Variants in MAGI1 observed in about 807,000 individuals in gnomAD.
MAGI1 encodes membrane-associated guanylate kinase, WW and PDZ domain-containing protein 1.
In MAGI1, 58 loss-of-function variants were observed where a neutral mutation model predicts 139.9. The ratio of observed to expected loss-of-function variants is 0.41; its 90% CI spans 0.34 to 0.52. The LOEUF (loss-of-function observed/expected upper bound fraction) is 0.52. Among genes scored for constraint, MAGI1 ranks in the 20% least tolerant of loss-of-function variants. The probability of loss-of-function intolerance (pLI) is 0.12; values close to 1 mark genes in which losing one functional copy is unlikely to be tolerated. For missense variants in MAGI1, 1,874 were observed against 1,901.6 expected, an observed-to-expected ratio of 0.99 and a Z score of 0.27; for synonymous variants, 812 against 737.9, an observed-to-expected ratio of 1.10 and a Z score of -1.63.
chr3:65,883,534 T>C (rs2060416841), intron 1 of MAGI1, among the ~76,000 whole-genome samples: 1 of 152,210 alleles, frequency 6.6e-6, no homozygotes, highest in Non-Finnish European at 1.5e-5. Context: ...CAATTTGCTA[T>C]GAGATTCTAC....
At chr3:65,651,277 A>G (rs1385070587) in intron 1 of MAGI1, among the ~76,000 whole-genome samples, 3 of 152,148 alleles carry the variant, frequency 2.0e-5, no homozygotes, top group African/African-American at 7.2e-5. Flanking sequence ...AGCCAATTCA[A>G]CCTCATATAA....
chr3:65,990,557 T>A (rs781613443), intron 1 of MAGI1, among the ~76,000 whole-genome samples: 1 of 152,176 alleles, frequency 6.6e-6, no homozygotes, highest in South Asian at 2.1e-4. Flanking sequence ...TGGCATGATG[T>A]TCCTTTGAGC....
intron 1 of MAGI1, among the ~76,000 whole-genome samples, chr3:65,868,284 A>T (rs182769606): frequency 6.6e-6 from 1 of 152,340 alleles, no homozygotes; most frequent in Admixed American, 6.5e-5. Flanking sequence ...AATACTCAAC[A>T]TGTGTGAGAC....
intron 1 of MAGI1, among the ~76,000 whole-genome samples, chr3:66,004,252 C>T (rs951148722): frequency 2.6e-5 from 4 of 152,140 alleles, no homozygotes; most frequent in Non-Finnish European, 5.9e-5. Flanking sequence ...GGAAGTCAGA[C>T]AGAAATGGGG....
chr3:65,652,647 T>C (rs956048780), intron 1 of MAGI1, among the ~76,000 whole-genome samples: 1 of 152,196 alleles, frequency 6.6e-6, no homozygotes. Context: ...TTTAGCCCTC[T>C]AGGGATTTCG....
intron 1 of MAGI1, among the ~76,000 whole-genome samples, chr3:65,769,904 G>C (rs1173706383): frequency 6.6e-6 from 1 of 152,188 alleles, no homozygotes; most frequent in Non-Finnish European, 1.5e-5. Flanking sequence ...ATAACCATCA[G>C]TGAGATAGCC....
chr3:65,582,613 G>C (rs926622696), intron 2 of MAGI1, among the ~76,000 whole-genome samples: 2 of 151,942 alleles, frequency 1.3e-5, no homozygotes, highest in African/African-American at 4.8e-5. Context: ...AAGACTTACT[G>C]TTGAAAGCAA....
chr3:65,537,732 C>T (rs1221173943), intron 2 of MAGI1, among the ~76,000 whole-genome samples: 1 of 152,134 alleles, frequency 6.6e-6, no homozygotes, highest in Non-Finnish European at 1.5e-5. Context: ...GCAAAGGAAA[C>T]AATTGTTATT....
At chr3:65,906,568 G>A (rs1393583034) in intron 1 of MAGI1, among the ~76,000 whole-genome samples, 1 of 152,088 alleles carries the variant, frequency 6.6e-6, no homozygotes, top group Non-Finnish European at 1.5e-5. Flanking sequence ...ACAAAGAAAA[G>A]TTTCAATAAT....
chr3:65,814,938 G>C (rs1238543644), intron 1 of MAGI1, among the ~76,000 whole-genome samples: 1 of 152,164 alleles, frequency 6.6e-6, no homozygotes, highest in African/African-American at 2.4e-5. Flanking sequence ...TCTACAGAGA[G>C]GAAAAGGATG....
At chr3:65,644,974 G>A (rs867684950) in intron 1 of MAGI1, among the ~76,000 whole-genome samples, 6 of 150,174 alleles carry the variant, frequency 4.0e-5, no homozygotes, top group African/African-American at 1.5e-4. Flanking sequence ...TCCAGCCTGG[G>A]TGACAAAGTA....
At chr3:65,381,817 A>C (rs1006102756) in intron 16 of MAGI1, 60 bp downstream of exon 16, 1 of 1,418,614 alleles carries the variant, frequency 7.0e-7, no homozygotes, top group Non-Finnish European at 9.6e-7. Flanking sequence ...CACAGGAAGG[A>C]GGCCTTTTCT....
chr3:65,845,235 G>A (rs993492703), intron 1 of MAGI1, among the ~76,000 whole-genome samples: 1 of 140,598 alleles, frequency 7.1e-6, no homozygotes, highest in African/African-American at 2.6e-5. Context: ...CTGGGCAACA[G>A]AGGGAGACTC....
chr3:65,767,093 G>A (rs1366327527), intron 1 of MAGI1, among the ~76,000 whole-genome samples: 1 of 152,058 alleles, frequency 6.6e-6, no homozygotes, highest in Non-Finnish European at 1.5e-5. Flanking sequence ...ATCATGACAC[G>A]CAAAATCAAT....
At chr3:65,884,273 G>A (rs1194514285) in intron 1 of MAGI1, among the ~76,000 whole-genome samples, 1 of 152,174 alleles carries the variant, frequency 6.6e-6, no homozygotes, top group East Asian at 1.9e-4. Context: ...AGGAACTAGT[G>A]ACACTGTGCA....
intron 4 of MAGI1, among the ~76,000 whole-genome samples, chr3:65,477,206 T>C (rs1950941236): frequency 6.6e-6 from 1 of 152,222 alleles, no homozygotes; most frequent in Admixed American, 6.5e-5. Flanking sequence ...CCAAAAAATT[T>C]TATTTCCATT....
intron 1 of MAGI1, among the ~76,000 whole-genome samples, chr3:65,886,871 C>G (rs1575851555): frequency 6.6e-6 from 1 of 152,260 alleles, no homozygotes; most frequent in East Asian, 1.9e-4. Context: ...ACAAAATAAC[C>G]AGTATTGAAC....
intron 2 of MAGI1, among the ~76,000 whole-genome samples, chr3:65,582,803 G>C (rs1271864259): frequency 1.3e-5 from 2 of 152,114 alleles, no homozygotes; most frequent in African/African-American, 4.8e-5. Context: ...CCATGAATGT[G>C]TGTTTTCCAA....
chr3:65,968,081 C>T (rs138138779), intron 1 of MAGI1, among the ~76,000 whole-genome samples: 1 of 151,844 alleles, frequency 6.6e-6, no homozygotes, highest in African/African-American at 2.4e-5. Context: ...CTAAGGGAAG[C>T]AAGTAAATGA....
Sources: gnomAD v4.1 joint callset for allele counts (sites outside exome capture counted in the v4.1 genomes callset) on GRCh38, gnomAD v4.1.1 for gene constraint, MANE v1.5 for transcripts, NCBI Gene and HGNC (gene_info 2026-07-23, HGNC 2026-07-21) for gene names.